The following DLGAP2 variants were observed in gnomAD, a reference collection of about 807,000 sequenced individuals.
DLGAP2 encodes DLG associated protein 2, also known as disks large-associated protein 2.
DLGAP2 carries 26 observed loss-of-function variants against 100.3 expected under a neutral mutation model. The observed-to-expected ratio is 0.26, with a 90% CI of 0.19 to 0.36. The LOEUF is 0.36. Ranked by LOEUF, DLGAP2 falls within the 10% of genes least tolerant of loss-of-function variation. The pLI, the probability that DLGAP2 is intolerant of heterozygous loss-of-function variation, is 1.00. For missense variants in DLGAP2, 1,858 were observed against 1,453.2 expected (o/e 1.28, Z -4.53); for synonymous variants, 886 against 630.1 (o/e 1.41, Z -6.08).
intron 2 of DLGAP2, among the ~76,000 whole-genome samples, chr8:1,205,133 C>T (rs577059319): frequency 5.3e-5 from 8 of 152,298 alleles, no homozygotes; most frequent in East Asian, 1.9e-4. Flanking sequence ...CTGCATCTCA[C>T]GTCCCTTGTC....
chr8:972,112 G>C (rs1800028964), intron 2 of DLGAP2, among the ~76,000 whole-genome samples: 1 of 152,202 alleles, frequency 6.6e-6, no homozygotes, highest in South Asian at 2.1e-4. Flanking sequence ...GGACAACACA[G>C]GACATTTTAA....
chr8:1,526,053 T>A (rs1800780230), intron 4 of DLGAP2, among the ~76,000 whole-genome samples: 1 of 151,724 alleles, frequency 6.6e-6, no homozygotes, highest in Non-Finnish European at 1.5e-5. Context: ...AGCGCTCCAG[T>A]GAGCATTTCC....
chr8:781,787 C>T (rs1563429182), intron 1 of DLGAP2, among the ~76,000 whole-genome samples: 1 of 152,164 alleles, frequency 6.6e-6, no homozygotes, highest in Admixed American at 6.5e-5. Context: ...ACTTCATTTC[C>T]TGACATAGGT....
chr8:1,379,145 A>C (rs764912049), intron 3 of DLGAP2, among the ~76,000 whole-genome samples: 10 of 152,282 alleles, frequency 6.6e-5, no homozygotes, highest in Non-Finnish European at 1.3e-4. Flanking sequence ...TTCTTCCCTG[A>C]GCCCTGCCTA....
chr8:1,659,067 C>T (rs1405869034), intron 8 of DLGAP2, among the ~76,000 whole-genome samples: 1 of 152,152 alleles, frequency 6.6e-6, no homozygotes, highest in Non-Finnish European at 1.5e-5. Context: ...TTTCAAATAA[C>T]TTATTTATTT....
At chr8:1,640,149 A>C (rs545400829) in intron 8 of DLGAP2, among the ~76,000 whole-genome samples, 1 of 152,218 alleles carries the variant, frequency 6.6e-6, no homozygotes, top group Non-Finnish European at 1.5e-5. Flanking sequence ...CACTGACCCA[A>C]GGGGAACCCA....
At chr8:1,116,059 T>G (rs76536698) in intron 2 of DLGAP2, among the ~76,000 whole-genome samples, 15,706 of 152,244 alleles carry the variant, frequency 0.1, 989 homozygotes, top group East Asian at 0.19. Flanking sequence ...TTGGGAGGAC[T>G]TTCCAGGGGT....
At chr8:995,412 T>C (rs1800757006) in intron 2 of DLGAP2, among the ~76,000 whole-genome samples, 1 of 152,232 alleles carries the variant, frequency 6.6e-6, no homozygotes, top group Admixed American at 6.5e-5. Flanking sequence ...TGAAAGATGT[T>C]TCTAATTAAC....
intron 2 of DLGAP2, among the ~76,000 whole-genome samples, chr8:1,125,922 T>A (rs572826637): frequency 1.3e-5 from 2 of 152,302 alleles, no homozygotes; most frequent in African/African-American, 4.8e-5. Context: ...CCAGCGAGCT[T>A]GGCATTGGCA....
intron 8 of DLGAP2, among the ~76,000 whole-genome samples, chr8:1,634,614 G>C (rs567279360): frequency 2.0e-5 from 3 of 152,192 alleles, no homozygotes; most frequent in Non-Finnish European, 4.4e-5. Flanking sequence ...TACAATGATT[G>C]CATTGAAAAA....
chr8:1,055,765 C>T lies in DLGAP2; in HGVS notation c.73+147799C>T, dbSNP rs139866605. Among the ~76,000 whole-genome samples, 404 of 152,340 alleles carry T rather than the reference C, an allele frequency of 2.7e-3. 7 individuals carry two copies. The highest frequency in any genetic ancestry group is 0.021 in the Admixed American group (326 of 15,300). Reference sequence around the variant, plus strand: ...GCACCGTTGCCATGCTGAGTTTTCACGGCTCATTCCACTGAGGAGGCCTCG... The same window carrying T: ...GCACCGTTGCCATGCTGAGTTTTCATGGCTCATTCCACTGAGGAGGCCTCG... On this transcript the variant is annotated intron_variant, in intron 2 of 14. Coordinates refer to ENST00000637795, the MANE Select transcript of DLGAP2 (RefSeq NM_001346810.2).
chr8:1,634,860 A>T (rs12543316), intron 8 of DLGAP2, among the ~76,000 whole-genome samples: 1 of 152,132 alleles, frequency 6.6e-6, no homozygotes, highest in East Asian at 1.9e-4. Context: ...TAATTTATAT[A>T]TATACAATGT....
intron 4 of DLGAP2, among the ~76,000 whole-genome samples, chr8:1,539,871 C>T (rs1801298876): frequency 7.4e-6 from 1 of 135,230 alleles, no homozygotes; most frequent in South Asian, 2.1e-4. Flanking sequence ...TCCCTGCCTT[C>T]TTCCTGTGCC....
At chr8:1,528,357 T>C (rs940069554) in intron 4 of DLGAP2, among the ~76,000 whole-genome samples, 4 of 152,182 alleles carry the variant, frequency 2.6e-5, no homozygotes, top group African/African-American at 9.7e-5. Context: ...CAGGGCATTG[T>C]TCCCACCCCA....
chr8:821,867 G>A (rs73673020), intron 1 of DLGAP2, among the ~76,000 whole-genome samples: 1 of 152,176 alleles, frequency 6.6e-6, no homozygotes, highest in Non-Finnish European at 1.5e-5. Context: ...ATACATCCTG[G>A]ATCCACGCAC....
At chr8:1,184,822 G>T (rs1049819380) in intron 2 of DLGAP2, among the ~76,000 whole-genome samples, 2 of 152,178 alleles carry the variant, frequency 1.3e-5, no homozygotes, top group Non-Finnish European at 2.9e-5. Context: ...AGTGCTCTGC[G>T]CACGTTGCAC....
At chr8:1,054,140 T>C (rs1028831368) in intron 2 of DLGAP2, among the ~76,000 whole-genome samples, 1 of 152,182 alleles carries the variant, frequency 6.6e-6, no homozygotes, top group South Asian at 2.1e-4. Flanking sequence ...TTCCTATAGA[T>C]TTTTCCTCTC....
intron 3 of DLGAP2, among the ~76,000 whole-genome samples, chr8:1,309,746 A>G (rs1800569842): frequency 6.6e-6 from 1 of 152,230 alleles, no homozygotes; most frequent in Non-Finnish European, 1.5e-5. Flanking sequence ...TAAAAGATGA[A>G]TGCATAAAAG....
At chr8:1,431,280 G>A (rs1463069438) in intron 3 of DLGAP2, among the ~76,000 whole-genome samples, 3 of 152,118 alleles carry the variant, frequency 2.0e-5, no homozygotes, top group Admixed American at 6.5e-5. Flanking sequence ...TCAATGTTTT[G>A]TAATGTTTTT....
Sources: gnomAD v4.1 joint callset for allele counts (sites outside exome capture counted in the v4.1 genomes callset) on GRCh38, gnomAD v4.1.1 for gene constraint, MANE v1.5 for transcripts, NCBI Gene and HGNC (gene_info 2026-07-23, HGNC 2026-07-21) for gene names.